YWHAZ: variants seen among roughly 807,000 people sequenced by gnomAD.
YWHAZ encodes the protein 14-3-3 protein zeta/delta.
For missense variants in YWHAZ, 79 were observed against 284.8 expected, an observed-to-expected ratio of 0.28 and a Z score of 5.20; for synonymous variants, 87 against 103.6, an observed-to-expected ratio of 0.84 and a Z score of 0.97.
intron 2 of YWHAZ, among the ~76,000 whole-genome samples, chr8:100,945,615 A>C (rs1414573772): frequency 6.6e-6 from 1 of 152,112 alleles, no homozygotes; most frequent in Non-Finnish European, 1.5e-5. Flanking sequence ...ATTTTTACTA[A>C]TCATTAATAA....
intron 2 of YWHAZ, among the ~76,000 whole-genome samples, chr8:100,941,741 T>C (rs1809875690): frequency 6.6e-6 from 1 of 150,936 alleles, no homozygotes; most frequent in African/African-American, 2.4e-5. Flanking sequence ...GGCGAGATTG[T>C]GCCACTGCAC....
At chr8:100,929,966 C>T (rs1195952345) in intron 2 of YWHAZ, among the ~76,000 whole-genome samples, 3 of 152,168 alleles carry the variant, frequency 2.0e-5, no homozygotes, top group African/African-American at 7.2e-5. Context: ...TCCTGCTCAA[C>T]ACAGAAATAA....
At chr8:100,936,201 A>G (rs75817959) in intron 2 of YWHAZ, among the ~76,000 whole-genome samples, 2,548 of 152,254 alleles carry the variant, frequency 0.017, 83 homozygotes, top group African/African-American at 0.058. Flanking sequence ...CTGGGATCCT[A>G]TTTTCCCCTT....
Position 100,948,037 on chromosome 8 carries a change from TC to T in YWHAZ, c.294+558del. 1 of 1,445,616 alleles carries T rather than the reference TC, an allele frequency of 6.9e-7. No individual in the cohort carries two copies. The highest frequency in any genetic ancestry group is 1.2e-5 in the South Asian group (1 of 80,600). The allele number at this position is 1,445,616 out of a possible 1,614,324, so 89.5% of individuals were successfully genotyped here. A position where few individuals can be genotyped will look rare whatever the true frequency, so the allele number is the denominator to read the frequency against. On this transcript the variant is annotated intron_variant, in intron 2 of 5. Coordinates refer to ENST00000395958, the MANE Select transcript of YWHAZ (RefSeq NM_145690.3). The surrounding 1 kb of genome is among the most constrained non-coding windows in gnomAD (Gnocchi z 4.2). ...AACTGGAAAATCAAGCTTGAGTTGTTCATAACCTTTCATCATGGTTGTGAGT... is the reference window on the plus strand; with the variant it reads ...AACTGGAAAATCAAGCTTGAGTTGTTATAACCTTTCATCATGGTTGTGAGT...
At chr8:100,950,579 C>T (rs1178508706) in intron 1 of YWHAZ, 2 of 985,374 alleles carry the variant, frequency 2.0e-6, no homozygotes, top group Non-Finnish European at 2.4e-6. Context: ...GTCAGGGAGC[C>T]CAACCTACTG....
At position 100,948,146 on chromosome 8, in the gene YWHAZ, T is replaced by C. The variant is rs1439248414; in HGVS notation, c.294+450A>G. The C allele has an allele frequency of 2.0e-6, 3 of 1,533,866 alleles. No homozygotes were observed. The highest frequency in any genetic ancestry group is 2.4e-5 in the East Asian group (1 of 40,836). On this transcript the variant is annotated intron_variant, in intron 2 of 5. Transcript: ENST00000395958. This position sits in a 1 kb window ranked among gnomAD's most constrained non-coding sequence, Gnocchi z 4.2. Reference sequence around the variant, plus strand: ...AGAGTTTTCTGCATGGTTGACTCATTACATTAACATTATAGCGGCTAATCC... The same window carrying C: ...AGAGTTTTCTGCATGGTTGACTCATCACATTAACATTATAGCGGCTAATCC...
In YWHAZ at chr8:100,948,294, C is replaced by G; in HGVS notation, c.294+302G>C. On this transcript the variant is annotated intron_variant, in intron 2 of 5. Transcript: ENST00000395958. This position sits in a 1 kb window ranked among gnomAD's most constrained non-coding sequence, Gnocchi z 4.2. Reference sequence around the variant, plus strand: ...CAGCTATAGAGCTACTACAAATATTCTAACCATAAGTAAAACAGTAACACA... The same window carrying G: ...CAGCTATAGAGCTACTACAAATATTGTAACCATAAGTAAAACAGTAACACA... 3.0e-6 allele frequency: 2 copies of G among 666,140 alleles called. No individual in the cohort carries two copies. Among genetic ancestry groups the G allele is most frequent in the South Asian group, 2.4e-5 (1 of 41,064 alleles). The allele number at this position is 666,140 out of a possible 1,614,324, so 41.3% of individuals were successfully genotyped here.
At chr8:100,949,031 A>T in intron 1 of YWHAZ, 131 bp from the exon 2 acceptor site, 1 of 1,087,216 alleles carries the variant, frequency 9.2e-7, no homozygotes, top group Non-Finnish European at 1.3e-6. Flanking sequence ...CACATGAGGA[A>T]TTAAAATGCA....
chr8:100,925,570 T>TA (rs543405882), intron 2 of YWHAZ, among the ~76,000 whole-genome samples: 53 of 152,186 alleles, frequency 3.5e-4, no homozygotes, highest in East Asian at 2.7e-3. Context: ...TCACAACAGA[T>TA]AAAAAAACCG....
At chr8:100,951,671 G>A in intron 1 of YWHAZ, 3 of 985,258 alleles carry the variant, frequency 3.0e-6, no homozygotes, top group South Asian at 4.7e-5. Context: ...ACCCCCGGGG[G>A]CAGGACGGGG....
chr8:100,942,584 C>A (rs1809953215), intron 2 of YWHAZ, among the ~76,000 whole-genome samples: 1 of 152,132 alleles, frequency 6.6e-6, no homozygotes, highest in Admixed American at 6.6e-5. Flanking sequence ...GAGAAAAGAA[C>A]AGAGCCAATC....
At chr8:100,938,144 A>C (rs908510609) in intron 2 of YWHAZ, among the ~76,000 whole-genome samples, 2 of 151,990 alleles carry the variant, frequency 1.3e-5, no homozygotes, top group Non-Finnish European at 2.9e-5. Flanking sequence ...CAACAAAAAA[A>C]CCCCACTGTT....
Position 100,922,843 on chromosome 8 carries a change from C to T in YWHAZ, c.678+1112G>A, listed in dbSNP as rs1813124256. The T allele has an allele frequency of 6.6e-6, 1 of 152,172 alleles. No individual in the cohort carries two copies. Among genetic ancestry groups the T allele is most frequent in the Non-Finnish European group, 1.5e-5 (1 of 68,036 alleles). 9.4% of individuals were successfully genotyped at this position (152,172 alleles called of 1,614,324 possible). A position where few individuals can be genotyped will look rare whatever the true frequency, so the allele number is the denominator to read the frequency against. On this transcript the variant is annotated intron_variant, in intron 5 of 5. Coordinates refer to ENST00000395958, the MANE Select transcript of YWHAZ (RefSeq NM_145690.3). The surrounding 1 kb of genome is among the most constrained non-coding windows in gnomAD (Gnocchi z 4.1). The stretch of plus-strand genomic sequence containing the variant: ...ACTTTAAAAATGTCATCACTTCAAA[C>T]TAGAAAAGAAAAATCCTTAATACTA...
At chr8:100,925,166 AT>A (rs1341108863) in intron 2 of YWHAZ, 127 bp from the exon 3 acceptor site, 7 of 967,616 alleles carry the variant, frequency 7.2e-6, no homozygotes, top group Non-Finnish European at 8.9e-6. Flanking sequence ...TGTCAATACA[AT>A]TGTGAATGCA....
In YWHAZ at chr8:100,916,531, G is replaced by C. The variant is rs528767794; in HGVS notation, c.*4162C>G. ...ACACACAGAACAGCAGCTGGCCAAA[G>C]CAAACATCCAATGTTAGAAAATGTA... On this transcript the variant is annotated 3_prime_UTR_variant, in exon 6 of 6. Transcript: ENST00000395958. 6.3e-4 allele frequency: 96 copies of C among 152,332 alleles called. No homozygotes were observed. The highest frequency in any genetic ancestry group is 1.8e-3 in the African/African-American group (75 of 41,578). The allele number at this position is 152,332 out of a possible 1,614,324, so 9.4% of individuals were successfully genotyped here. A position where few individuals can be genotyped will look rare whatever the true frequency, so the allele number is the denominator to read the frequency against.
chr8:100,951,303 G>A (rs1007015500), intron 1 of YWHAZ: 9 of 984,438 alleles, frequency 9.1e-6, no homozygotes, highest in Non-Finnish European at 1.1e-5. Flanking sequence ...CTCGCGCTTG[G>A]GTCCCCGAGG....
intron 2 of YWHAZ, among the ~76,000 whole-genome samples, chr8:100,934,323 C>CTTT (rs11398423): frequency 1.1e-4 from 16 of 144,714 alleles, no homozygotes; most frequent in Admixed American, 4.1e-4. Flanking sequence ...GAGACCCTAT[C>CTTT]TTTTTTTTTT....
Position 100,948,548 on chromosome 8 carries a change from TC to T in YWHAZ, c.294+47del. 1 of 1,556,280 alleles carries T rather than the reference TC, an allele frequency of 6.4e-7. No homozygotes were observed. The highest frequency in any genetic ancestry group is 8.7e-7 in the Non-Finnish European group (1 of 1,150,966). On this transcript the variant is annotated intron_variant, in intron 2 of 5. Coordinates refer to ENST00000395958, the MANE Select transcript of YWHAZ (RefSeq NM_145690.3). The surrounding 1 kb of genome is among the most constrained non-coding windows in gnomAD (Gnocchi z 4.2). ...AAGTTAAGAGTAATGTAACTGATAC[TC>T]ATAGGGACCCTACAGTATAATGAAG...
At chr8:100,943,858 G>GC (rs1482062284) in intron 2 of YWHAZ, among the ~76,000 whole-genome samples, 2 of 151,966 alleles carry the variant, frequency 1.3e-5, no homozygotes, top group African/African-American at 4.8e-5. Context: ...GTGGTGGCGG[G>GC]CACCTGTAGT....
Sources: allele counts gnomAD v4.1 joint callset (sites outside exome capture counted in the v4.1 genomes callset), GRCh38; gene constraint gnomAD v4.1.1; non-coding constraint Gnocchi (gnomAD v3.1); transcripts MANE v1.5; gene names NCBI Gene and HGNC (gene_info 2026-07-23, HGNC 2026-07-21).